The following PLCD3 variants were observed in gnomAD, a reference collection of about 807,000 sequenced individuals.
The protein encoded by PLCD3 is phospholipase C delta 3, also known as 1-phosphatidylinositol 4,5-bisphosphate phosphodiesterase delta-3.
A neutral mutation model predicts 82.8 loss-of-function variants in PLCD3; 62 were observed. That is an observed-to-expected ratio of 0.75 (90% CI 0.61 to 0.93). The LOEUF is 0.93. PLCD3 is among the 40% of genes least tolerant of loss of function. The probability of loss-of-function intolerance (pLI) is 0.00; values close to 1 mark genes in which losing one functional copy is unlikely to be tolerated. For missense variants in PLCD3, 1,023 were observed against 1,103.4 expected (o/e 0.93, Z 1.03); for synonymous variants, 478 against 471.8 (o/e 1.01, Z -0.17).
chr17:45,120,363 C>G lies in PLCD3; in HGVS notation c.646G>C (p.Val216Leu). The change falls in exon 4 of 15, where the codon GTG becomes CTG. Residue 216 changes from valine (V) to leucine (L), a missense_variant. Physicochemically the swap from Val to Leu is conservative, Grantham distance 32. Transcript: ENST00000619929. ...TAGGCGTACATGTCGTTCATGTCCA[C>G]GTTGACCATTCTCAGCAGGCTCTTG... ...EIKSLLRMVN[V>L]DMNDMYAYLL... 1 of 1,614,020 alleles carries G rather than the reference C, an allele frequency of 6.2e-7. No homozygotes were observed.
chr17:45,120,280 G>T, intron 4 of PLCD3, 45 bp downstream of exon 4: 1 of 1,612,476 alleles, frequency 6.2e-7, no homozygotes, highest in South Asian at 1.1e-5. Flanking sequence ...GCAGAGGTCA[G>T]AGTGATGGCA....
intron 7 of PLCD3, among the ~76,000 whole-genome samples, chr17:45,117,437 G>A (rs1321197051): frequency 1.3e-5 from 2 of 152,170 alleles, no homozygotes; most frequent in African/African-American, 4.8e-5. Flanking sequence ...GAGACAGGAT[G>A]TAGCTATTTG....
rs2054306393 is a variant in PLCD3 at position 45,118,214 on chromosome 17, C to G, written c.1116-76G>C. ...GAGCAGGGCAGCAGGCAGGCTGGGC[C>G]AGGAAGGCCCCAGGAAGCCAGCCCA... On this transcript the variant is annotated intron_variant, in intron 6 of 14. Coordinates refer to ENST00000619929, the MANE Select transcript of PLCD3 (RefSeq NM_133373.5). This position sits in a 1 kb window ranked among gnomAD's most constrained non-coding sequence, Gnocchi z 4.1. The G allele has an allele frequency of 2.5e-6, 4 of 1,610,990 alleles. No individual in the cohort carries two copies. Among genetic ancestry groups the G allele is most frequent in the Non-Finnish European group, 3.4e-6 (4 of 1,177,920 alleles).
In PLCD3 at chr17:45,113,134, C is replaced by G; in HGVS notation, c.2119G>C (p.Val707Leu). ...AGTGGCTGCCCACCATTGTTGAGCA[C>G]GTAGTCAGTCTCCTGCCGGGCACAG... is the stretch of plus-strand genomic sequence containing the variant. ...ADCARQETDYVLNNGFNPRWG... is the reference protein window; with the variant it reads ...ADCARQETDYLLNNGFNPRWG... Residue 707 changes from valine (V) to leucine (L), a missense_variant, in exon 13 of 15, where the codon GTG (valine) becomes CTG (leucine). This residue lies in a region of PLCD3 where 553 missense variants were observed against 655.7 expected (regional missense o/e 0.84). Transcript: ENST00000619929. 2 of 1,613,502 alleles carry G rather than the reference C, an allele frequency of 1.2e-6. No homozygotes were observed. The highest frequency in any genetic ancestry group is 1.1e-5 in the South Asian group (1 of 90,970).
intron 1 of PLCD3, among the ~76,000 whole-genome samples, chr17:45,122,756 G>A (rs773697318): frequency 8.5e-5 from 13 of 152,124 alleles, no homozygotes; most frequent in Non-Finnish European, 7.4e-5. Context: ...CTGGCCCCCT[G>A]GAACACGTGA....
intron 3 of PLCD3, 62 bp downstream of exon 3, chr17:45,120,840 G>A (rs557886201): frequency 7.2e-7 from 1 of 1,396,730 alleles, no homozygotes; most frequent in South Asian, 1.6e-5. Context: ...TCCAAGGATG[G>A]GGCTCTCCAA....
intron 1 of PLCD3, among the ~76,000 whole-genome samples, chr17:45,130,515 A>G (rs1817460796): frequency 6.6e-6 from 1 of 152,102 alleles, no homozygotes; most frequent in Non-Finnish European, 1.5e-5. Flanking sequence ...GCTGACTCCC[A>G]GGGCTGCCCT....
intron 1 of PLCD3, among the ~76,000 whole-genome samples, chr17:45,127,226 C>T (rs987515031): frequency 1.5e-4 from 23 of 152,198 alleles, no homozygotes; most frequent in African/African-American, 5.3e-4. Flanking sequence ...GTGTTCTGAT[C>T]CATCTGTCCC....
chr17:45,129,154 A>G (rs1276267158), intron 1 of PLCD3: 1 of 152,268 alleles, frequency 6.6e-6, no homozygotes, highest in Non-Finnish European at 1.5e-5. Flanking sequence ...AAAATTGTTC[A>G]TTAGTATTCA....
rs752093265 is a variant in PLCD3 at position 45,112,970 on chromosome 17, C to T, written c.2174G>A (p.Arg725Gln). The change falls in exon 14 of 15, where the codon CGG becomes CAG. Residue 725 changes from arginine to glutamine, a missense_variant. Arg to Gln is a conservative substitution (Grantham distance 43). Around this residue, in one of 3 missense-constraint regions of PLCD3, gnomAD observed 553 missense variants for 655.7 expected, o/e 0.84. Transcript: ENST00000619929. ...RWGQTLQFQL[R>Q]APELALVRFV... ...CCGGACCAGTGCCAGCTCCGGAGCCCGCAGCTGGAACTGCAGGGTCTGCCC... is the reference window on the plus strand; with the variant it reads ...CCGGACCAGTGCCAGCTCCGGAGCCTGCAGCTGGAACTGCAGGGTCTGCCC... 6.2e-6 allele frequency: 10 copies of T among 1,611,506 alleles called. No individual in the cohort carries two copies. In the African/African-American group the frequency reaches 8.0e-5, roughly 13 times the overall value.
Position 45,118,137 on chromosome 17 carries a change from C to A in PLCD3, c.1117G>T (p.Ala373Ser). 6.2e-7 allele frequency: 1 copy of A among 1,613,884 alleles called. No homozygotes were observed. Among genetic ancestry groups the A allele is most frequent in the Non-Finnish European group, 8.5e-7 (1 of 1,179,806 alleles). Residue 373 changes from alanine (A) to serine (S), a missense_variant and splice_region_variant, in exon 7 of 15, where the codon GCC (alanine) becomes TCC (serine). Transcript: ENST00000619929. The surrounding 1 kb of genome is among the most constrained non-coding windows in gnomAD (Gnocchi z 4.1). ...ACGCAGCGGCATCCCTGGGCAAAGG[C>A]CCTGTGTGTGGACAGATGGGTGGAC... Reference protein sequence around the residue: ...GPSSTEAYVRAFAQGCRCVEL... With the variant: ...GPSSTEAYVRSFAQGCRCVEL...
rs1567876803 is a variant in PLCD3, at chr17:45,112,978, GA to G, written c.2165del (p.Phe722SerfsTer37). ...GTGCCAGCTCCGGAGCCCGCAGCTG[GA>G]ACTGCAGGGTCTGCCCCCAGCGGGG... ...FNPRWGQTLQFQLRAPELALV... is the reference protein window; with the variant it reads ...FNPRWGQTLQXQLRAPELALV... On this transcript the variant is annotated frameshift_variant, in exon 14 of 15. Coordinates refer to ENST00000619929, the MANE Select transcript of PLCD3 (RefSeq NM_133373.5). LOFTEE classifies it high-confidence loss of function. 6.2e-7 allele frequency: 1 copy of G among 1,610,938 alleles called. No individual in the cohort carries two copies. The highest frequency in any genetic ancestry group is 1.3e-5 in the African/African-American group (1 of 74,872).
In PLCD3 at chr17:45,121,313, G is replaced by A. The variant is rs763293887; in HGVS notation, c.223C>T (p.Arg75Cys). ...MLRGSRLRKI[R>C]SRTWHKERLY... Reference sequence around the variant, plus strand: ...CGCTCCTTGTGCCACGTGCGCGAGCGGATCTTGCGGAGCCGGGAGCCCCGC... The same window carrying A: ...CGCTCCTTGTGCCACGTGCGCGAGCAGATCTTGCGGAGCCGGGAGCCCCGC... Residue 75 changes from arginine to cysteine, a missense_variant, in exon 2 of 15, where the codon CGC (arginine) becomes TGC (cysteine). Physicochemically the swap from Arg to Cys is radical, Grantham distance 180. This residue lies in a region of PLCD3 where 448 missense variants were observed against 406.3 expected (regional missense o/e 1.10). Coordinates refer to ENST00000619929, the MANE Select transcript of PLCD3 (RefSeq NM_133373.5). 6.4e-7 allele frequency: 1 copy of A among 1,566,854 alleles called. No homozygotes were observed.
At position 45,132,122 on chromosome 17, in the gene PLCD3, G is replaced by A; in HGVS notation, c.163+126C>T. 3 of 1,056,954 alleles carry A rather than the reference G, an allele frequency of 2.8e-6. No individual in the cohort carries two copies. The highest frequency in any genetic ancestry group is 3.6e-6 in the Non-Finnish European group (3 of 829,870). The allele number at this position is 1,056,954 out of a possible 1,614,324, so 65.5% of individuals were successfully genotyped here. On this transcript the variant is annotated intron_variant, in intron 1 of 14. Coordinates refer to ENST00000619929, the MANE Select transcript of PLCD3 (RefSeq NM_133373.5). This position sits in a 1 kb window ranked among gnomAD's most constrained non-coding sequence, Gnocchi z 4.6. ...CCCAGCTGGAGGGAGCTGGCCCTCC[G>A]CCCCTAGCCATAGCCTCCCAGCCCC... is the stretch of plus-strand genomic sequence containing the variant.
chr17:45,114,157 C>T, intron 11 of PLCD3, 93 bp downstream of exon 11: 5 of 908,332 alleles, frequency 5.5e-6, no homozygotes, highest in Non-Finnish European at 8.0e-6. Context: ...TGCGTGTTTC[C>T]ACCGTCTGGA....
At position 45,112,715 on chromosome 17, in the gene PLCD3, G is replaced by A. The variant is rs759016125; in HGVS notation, c.2282-11C>T. The A allele has an allele frequency of 6.2e-7, 1 of 1,600,724 alleles. No individual in the cohort carries two copies. The highest frequency in any genetic ancestry group is 1.1e-5 in the South Asian group (1 of 88,588). ...GTATGTGGCGGTACCCTGTAGGGAG[G>A]ACAGCCAGGCCTCAGGTCCTCTGTG... On this transcript the variant is annotated splice_polypyrimidine_tract_variant and intron_variant, in intron 14 of 14. Transcript: ENST00000619929.
rs1221410598 is a variant in PLCD3 at position 45,116,615 on chromosome 17, G to A, written c.1413+17C>T. On this transcript the variant is annotated intron_variant, in intron 8 of 14. Transcript: ENST00000619929. ...CCAGACCTCCCTCCACCCAGGCTAG[G>A]GGCTGGGGGGCGTCACCTCTGGGGA... 1.3e-6 allele frequency: 2 copies of A among 1,559,604 alleles called. No homozygotes were observed. The highest frequency in any genetic ancestry group is 1.4e-5 in the African/African-American group (1 of 73,094).
At chr17:45,128,820 C>T (rs958145396) in intron 1 of PLCD3, among the ~76,000 whole-genome samples, 3 of 152,146 alleles carry the variant, frequency 2.0e-5, no homozygotes, top group East Asian at 1.9e-4. Context: ...CAAACTTAAC[C>T]GGGTGTTCTG....
At chr17:45,115,645 A>G in intron 8 of PLCD3, 155 bp from the exon 9 acceptor site, 1 of 677,906 alleles carries the variant, frequency 1.5e-6, no homozygotes, top group Non-Finnish European at 2.5e-6. Context: ...AATAGGAAAG[A>G]GTGGAGAATG....
Sources: gnomAD v4.1 joint callset for allele counts (sites outside exome capture counted in the v4.1 genomes callset) on GRCh38, gnomAD v4.1.1 for gene constraint, gnomAD v4.1.1 regional missense constraint, Gnocchi (gnomAD v3.1) non-coding constraint, MANE v1.5 for transcripts, NCBI Gene and HGNC (gene_info 2026-07-23, HGNC 2026-07-21) for gene names.